The following ARMH1 variants were observed in gnomAD, a reference collection of about 807,000 sequenced individuals.
The protein encoded by ARMH1 is armadillo-like helical domain containing protein 1.
ARMH1 carries 34 observed loss-of-function variants against 50.2 expected under a neutral mutation model. That is an observed-to-expected ratio of 0.68 (90% CI 0.51 to 0.90). The LOEUF (loss-of-function observed/expected upper bound fraction) is 0.90, where lower values mean the gene tolerates loss of function less well. Ranked by LOEUF, ARMH1 falls within the 40% of genes least tolerant of loss-of-function variation. ARMH1 has a pLI of 0.00. For synonymous variants in ARMH1, 221 were observed against 224.2 expected (o/e 0.99, Z 0.13); for missense variants, 538 against 553.9 (o/e 0.97, Z 0.29).
chr1:44,706,800 A>C (rs930476650), intron 6 of ARMH1, among the ~76,000 whole-genome samples: 1 of 152,066 alleles, frequency 6.6e-6, no homozygotes, highest in Non-Finnish European at 1.5e-5. Context: ...CAGGGACCTA[A>C]GTAATAGTCA....
chr1:44,686,867 G>T (rs1645488443), intron 1 of ARMH1, among the ~76,000 whole-genome samples: 1 of 151,886 alleles, frequency 6.6e-6, no homozygotes, highest in Non-Finnish European at 1.5e-5. Context: ...CTTGAGGCCA[G>T]GAGTTTAAGG....
At chr1:44,719,685 G>A (rs1405504903) in intron 6 of ARMH1, among the ~76,000 whole-genome samples, 2 of 152,226 alleles carry the variant, frequency 1.3e-5, no homozygotes, top group Admixed American at 6.5e-5. Context: ...AAAGTTTGCA[G>A]GAGCTGAAGC....
In ARMH1 at chr1:44,698,165, C is replaced by G. The variant is rs368101662; in HGVS notation, c.378C>G (p.Val126=). The G allele has an allele frequency of 1.9e-6, 3 of 1,552,220 alleles. No homozygotes were observed. The highest frequency in any genetic ancestry group is 1.7e-4 in the Middle Eastern group (1 of 6,020). Residue 126 remains valine, a synonymous_variant, in exon 4 of 12, where the codon GTC becomes GTG. Transcript: ENST00000535358. ...AGGAGGAGGCCAAGAAGGAATCTGT[C>G]AAACTACTTCAGGTTATTGCGAACT... ...KIKEEAKKES[V]KLLQVIANSG...
At chr1:44,686,548 T>TG (rs1355688035) in intron 1 of ARMH1, among the ~76,000 whole-genome samples, 1 of 152,026 alleles carries the variant, frequency 6.6e-6, no homozygotes, top group Non-Finnish European at 1.5e-5. Context: ...TGGTGGCACA[T>TG]GCCTGTAATC....
intron 4 of ARMH1, among the ~76,000 whole-genome samples, 163 bp downstream of exon 4, chr1:44,698,392 C>CCTGATTCAT (rs1645900437): frequency 6.6e-6 from 1 of 152,176 alleles, no homozygotes; most frequent in Non-Finnish European, 1.5e-5. Flanking sequence ...TTATGATTCT[C>CCTGATTCAT]CTGATTCATC....
chr1:44,719,129 A>G (rs1252399986), intron 6 of ARMH1, among the ~76,000 whole-genome samples: 1 of 152,044 alleles, frequency 6.6e-6, no homozygotes, highest in African/African-American at 2.4e-5. Flanking sequence ...CTGTCCCCCA[A>G]AGGGTGAATA....
At position 44,724,303 on chromosome 1, in the gene ARMH1, G is replaced by A. The variant is rs529793074; in HGVS notation, c.848-17G>A. 5.2e-6 allele frequency: 8 copies of A among 1,551,034 alleles called. No individual in the cohort carries two copies. In the Admixed American group the frequency reaches 7.8e-5, roughly 15 times the overall value. ...ACGGGAGGGCGGTCTCTTGCCTCAC[G>A]GCTGCCCCCTCCTCAGACCCCTCGG... On this transcript the variant is annotated splice_polypyrimidine_tract_variant and intron_variant, in intron 7 of 11. Transcript: ENST00000535358. This position sits in a 1 kb window ranked among gnomAD's most constrained non-coding sequence, Gnocchi z 6.4.
chr1:44,725,365 C>G lies in ARMH1; in HGVS notation c.1285C>G (p.Leu429Val), dbSNP rs982132261. 1.6e-5 allele frequency: 25 copies of G among 1,551,656 alleles called. No individual in the cohort carries two copies. The highest frequency in any genetic ancestry group is 2.0e-5 in the Non-Finnish European group (23 of 1,147,020). ...GSRDSAQMAYLTHFEEDVESK... is the reference protein window; with the variant it reads ...GSRDSAQMAYVTHFEEDVESK... ...GCGCGATTCGGCTCAGATGGCCTAC[C>G]TCACACACTTCGAGGAGGATGTAGA... Residue 429 changes from leucine to valine, a missense_variant, in exon 12 of 12, where the codon CTC becomes GTC. Leu to Val is a conservative substitution (Grantham distance 32). Coordinates refer to ENST00000535358, the MANE Select transcript of ARMH1 (RefSeq NM_001145636.2).
intron 2 of ARMH1, among the ~76,000 whole-genome samples, chr1:44,691,245 C>G (rs1459350185): frequency 6.6e-6 from 1 of 151,918 alleles, no homozygotes; most frequent in African/African-American, 2.4e-5. Flanking sequence ...GCCACAGAGA[C>G]AGACTCCATC....
rs1263323249 is a variant in ARMH1 at position 44,724,531 on chromosome 1, C to G, written c.921-8C>G. ...AGGGCGTCGCCCCAGCCCGAACCCC[C>G]GGCCCAGGGTCCTGGCGCGCAACGA... On this transcript the variant is annotated splice_region_variant and splice_polypyrimidine_tract_variant and intron_variant, in intron 8 of 11. Transcript: ENST00000535358. The surrounding 1 kb of genome is among the most constrained non-coding windows in gnomAD (Gnocchi z 6.4). 2 of 1,505,744 alleles carry G rather than the reference C, an allele frequency of 1.3e-6. No individual in the cohort carries two copies. The highest frequency in any genetic ancestry group is 1.8e-6 in the Non-Finnish European group (2 of 1,130,794). The allele number at this position is 1,505,744 out of a possible 1,614,324, so 93.3% of individuals were successfully genotyped here.
rs995200992 is a variant in ARMH1, at chr1:44,681,287, G to A, written c.-23+6414G>A. 1.6e-4 allele frequency among the ~76,000 whole-genome samples: 24 copies of A among 152,206 alleles called. No individual in the cohort carries two copies. The highest frequency in any genetic ancestry group is 4.6e-4 in the Admixed American group (7 of 15,276). ...TGGGATTACAAGCGTGAGCCACTGC[G>A]CCCGGCCGTGAGGCTCCATTTCTAA... On this transcript the variant is annotated intron_variant, in intron 1 of 11. Transcript: ENST00000535358. This position sits in a 1 kb window ranked among gnomAD's most constrained non-coding sequence, Gnocchi z 4.3.
rs182756604 is a variant in ARMH1 at position 44,695,326 on chromosome 1, G to A, written c.207-1776G>A. On this transcript the variant is annotated intron_variant, in intron 2 of 11. Transcript: ENST00000535358. ...TGAGACAATGCAAGCAAAGCAGTTA[G>A]CACAGTGCCCCGCACACAATAGGAG... is the stretch of plus-strand genomic sequence containing the variant. 1.9e-4 allele frequency among the ~76,000 whole-genome samples: 29 copies of A among 152,334 alleles called. No homozygotes were observed. The East Asian group carries it at 4.2e-3, about 22-fold the overall frequency.
intron 6 of ARMH1, among the ~76,000 whole-genome samples, chr1:44,714,003 C>T (rs976008446): frequency 2.6e-5 from 4 of 152,260 alleles, no homozygotes; most frequent in South Asian, 2.1e-4. Flanking sequence ...GGGGGCCTGA[C>T]GCAGTGGCTC....
intron 6 of ARMH1, among the ~76,000 whole-genome samples, chr1:44,721,633 G>A (rs1157996852): frequency 3.3e-5 from 5 of 152,282 alleles, no homozygotes; most frequent in East Asian, 1.9e-4. Flanking sequence ...TGAGGCTGAG[G>A]TGGGAGGATT....
At chr1:44,703,884 G>A (rs774311212) in intron 5 of ARMH1, among the ~76,000 whole-genome samples, 5 of 151,026 alleles carry the variant, frequency 3.3e-5, no homozygotes, top group East Asian at 2.0e-4. Context: ...CTGGCACCAC[G>A]CCCAGCTAAT....
intron 6 of ARMH1, among the ~76,000 whole-genome samples, chr1:44,718,305 C>T (rs1267566055): frequency 4.6e-5 from 7 of 152,144 alleles, no homozygotes; most frequent in Admixed American, 6.5e-5. Context: ...TAATGAGGGA[C>T]GTGCTGCAGG....
At position 44,706,980 on chromosome 1, in the gene ARMH1, C is replaced by T. The variant is rs79020121; in HGVS notation, c.724+2807C>T. On this transcript the variant is annotated intron_variant, in intron 6 of 11. Transcript: ENST00000535358. ...GCAAACTTGCCCACTCCTCCTCATCCGTCCATCACTTCTCAGCTTAAGCAT... is the reference window on the plus strand; with the variant it reads ...GCAAACTTGCCCACTCCTCCTCATCTGTCCATCACTTCTCAGCTTAAGCAT... Among the ~76,000 whole-genome samples the T allele has an allele frequency of 5.1e-4, 77 of 152,234 alleles. 1 individual carries two copies. In the East Asian group the frequency reaches 0.011, roughly 22 times the overall value.
In ARMH1 at chr1:44,689,802, C is replaced by G. The variant is rs1326643235; in HGVS notation, c.105C>G (p.Phe35Leu). The stretch of plus-strand genomic sequence containing the variant: ...CAAGGAGTCACATCCTCGACAAGTT[C>G]ATTGAAACCAACCAAGGCAAGACTG... ...KVARSHILDK[F>L]IETNQGKTAP... The change falls in exon 2 of 12, where the codon TTC becomes TTG. Residue 35 changes from phenylalanine (F) to leucine (L), a missense_variant. Transcript: ENST00000535358. 1 of 1,551,694 alleles carries G rather than the reference C, an allele frequency of 6.4e-7. No homozygotes were observed. Among genetic ancestry groups the G allele is most frequent in the Non-Finnish European group, 8.7e-7 (1 of 1,147,026 alleles).
intron 1 of ARMH1, among the ~76,000 whole-genome samples, chr1:44,687,632 T>G (rs1645516541): frequency 6.6e-6 from 1 of 152,188 alleles, no homozygotes; most frequent in Non-Finnish European, 1.5e-5. Flanking sequence ...CCAGATCTCA[T>G]GTTCTTCCAC....
Sources: allele counts gnomAD v4.1 joint callset (sites outside exome capture counted in the v4.1 genomes callset), GRCh38; gene constraint gnomAD v4.1.1; non-coding constraint Gnocchi (gnomAD v3.1); transcripts MANE v1.5; gene names NCBI Gene and HGNC (gene_info 2026-07-23, HGNC 2026-07-21).